Variants in GNA12 observed in about 807,000 individuals in gnomAD.
GNA12 encodes the protein guanine nucleotide-binding protein subunit alpha-12.
A neutral mutation model predicts 26.0 loss-of-function variants in GNA12; 9 were observed. That is an observed-to-expected ratio of 0.35 (90% CI 0.21 to 0.60). GNA12 has a LOEUF of 0.60. GNA12 is among the 20% of genes least tolerant of loss of function. GNA12 has a pLI of 0.78. For synonymous variants in GNA12, 264 were observed against 219.6 expected (o/e 1.20, Z -1.79); for missense variants, 405 against 525.8 (o/e 0.77, Z 2.25).
intron 1 of GNA12, chr7:2,814,226 G>T: frequency 2.6e-6 from 2 of 774,654 alleles, no homozygotes; most frequent in Non-Finnish European, 4.7e-6. Flanking sequence ...ATACATCTAT[G>T]TATCCTGTTG....
At chr7:2,795,908 C>T (rs1218697816) in intron 1 of GNA12, among the ~76,000 whole-genome samples, 2 of 151,468 alleles carry the variant, frequency 1.3e-5, no homozygotes, top group Non-Finnish European at 2.9e-5. Context: ...GCAACCTCCG[C>T]CTCCCAGGTT....
chr7:2,748,630 C>T (rs1790880417), intron 2 of GNA12, among the ~76,000 whole-genome samples: 1 of 152,134 alleles, frequency 6.6e-6, no homozygotes, highest in African/African-American at 2.4e-5. Context: ...ACACCAAAAG[C>T]AATGGCAACA....
chr7:2,794,910 GAAGGCCTACT>G lies in GNA12; in HGVS notation c.525+8_525+17del. ...AAACACACTATCAGGTGCCCAGCAA[GAAGGCCTACT>G]CACTCACCAGCTGAAACTCGCTTCT... On this transcript the variant is annotated splice_region_variant and intron_variant, in intron 2 of 3. Transcript: ENST00000275364. 6.4e-7 allele frequency: 1 copy of G among 1,570,978 alleles called. No homozygotes were observed. Among genetic ancestry groups the G allele is most frequent in the Non-Finnish European group, 8.8e-7 (1 of 1,140,954 alleles).
In GNA12 at chr7:2,731,745, G is replaced by T; in HGVS notation, c.582C>A (p.Tyr194Ter). Residue 194 changes from tyrosine (Y) to a stop codon, truncating the protein, a stop_gained, in exon 4 of 4, where the codon TAC (tyrosine) becomes TAA (stop). Transcript: ENST00000275364. LOFTEE classifies it high-confidence loss of function. The surrounding 1 kb of genome is among the most constrained non-coding windows in gnomAD (Gnocchi z 6.0). ...DNLDRIGQLN[Y>*]FPSKQDILLA... The stretch of plus-strand genomic sequence containing the variant: ...GCAGGATATCTTGCTTACTAGGAAA[G>T]TAATTCTGTAAAATACAGGATGAGG... 6.6e-7 allele frequency: 1 copy of T among 1,508,438 alleles called. No individual in the cohort carries two copies. The highest frequency in any genetic ancestry group is 8.9e-7 in the Non-Finnish European group (1 of 1,118,772). 93.4% of individuals were successfully genotyped at this position (1,508,438 alleles called of 1,614,324 possible). A position where few individuals can be genotyped will look rare whatever the true frequency, so the allele number is the denominator to read the frequency against.
intron 2 of GNA12, among the ~76,000 whole-genome samples, chr7:2,744,552 G>A (rs979451856): frequency 1.3e-5 from 2 of 152,044 alleles, no homozygotes; most frequent in Admixed American, 6.6e-5. Flanking sequence ...AGGTAGAAAA[G>A]ACCACAAAGA....
chr7:2,728,912 A>AG lies in GNA12; in HGVS notation c.*2268dup, dbSNP rs1789743360. ...GGCCAGGGCGGTGGGGTCAGCGCTG[A>AG]GCGGGTCAAGAGCCCGCGCCGGGGG... On this transcript the variant is annotated 3_prime_UTR_variant, in exon 4 of 4. Transcript: ENST00000275364. 1 of 152,412 alleles carries AG rather than the reference A, an allele frequency of 6.6e-6. No homozygotes were observed. The highest frequency in any genetic ancestry group is 1.5e-5 in the Non-Finnish European group (1 of 68,050). 9.4% of individuals were successfully genotyped at this position (152,412 alleles called of 1,614,324 possible).
Position 2,794,923 on chromosome 7 carries a change from C to T in GNA12, c.525+5G>A, listed in dbSNP as rs1336815402. The T allele has an allele frequency of 1.2e-6, 2 of 1,607,610 alleles. No homozygotes were observed. The highest frequency in any genetic ancestry group is 1.7e-6 in the Non-Finnish European group (2 of 1,174,096). ...GGTGCCCAGCAAGAAGGCCTACTCA[C>T]TCACCAGCTGAAACTCGCTTCTCCG... On this transcript the variant is annotated splice_donor_5th_base_variant and intron_variant, in intron 2 of 3. Transcript: ENST00000275364.
At chr7:2,802,563 T>C (rs983350940) in intron 1 of GNA12, among the ~76,000 whole-genome samples, 5 of 152,160 alleles carry the variant, frequency 3.3e-5, no homozygotes, top group South Asian at 2.1e-4. Context: ...AAAGCTACGA[T>C]AGACATAAAA....
intron 2 of GNA12, among the ~76,000 whole-genome samples, chr7:2,793,680 C>G (rs1319251153): frequency 6.6e-6 from 1 of 151,892 alleles, no homozygotes; most frequent in South Asian, 2.1e-4. Context: ...GCCAGGAGTT[C>G]GAGACCAGCC....
rs568608244 is a variant in GNA12 at position 2,841,724 on chromosome 7, T to C, written c.309+2129A>G. On this transcript the variant is annotated intron_variant, in intron 1 of 3. Transcript: ENST00000275364. Reference sequence around the variant, plus strand: ...GGCCTGGAAGTCTGGAGGCCAGGATTCCAGCACAGAGACCCCAGGAAGGAG... The same window carrying C: ...GGCCTGGAAGTCTGGAGGCCAGGATCCCAGCACAGAGACCCCAGGAAGGAG... Among the ~76,000 whole-genome samples, 205 of 152,336 alleles carry C rather than the reference T, an allele frequency of 1.3e-3. 1 individual carries two copies. The highest frequency in any genetic ancestry group is 4.8e-3 in the African/African-American group (200 of 41,568).
intron 1 of GNA12, among the ~76,000 whole-genome samples, chr7:2,836,305 C>A (rs968171423): frequency 1.3e-5 from 2 of 152,180 alleles, no homozygotes; most frequent in Non-Finnish European, 2.9e-5. Context: ...AAAGTAACAG[C>A]TCTACTCCTC....
intron 2 of GNA12, among the ~76,000 whole-genome samples, chr7:2,770,037 G>T (rs1217350633): frequency 6.6e-6 from 1 of 152,152 alleles, no homozygotes; most frequent in Non-Finnish European, 1.5e-5. Flanking sequence ...ATAGATCATA[G>T]TGACATGCAG....
At chr7:2,776,965 A>G (rs1792093307) in intron 2 of GNA12, among the ~76,000 whole-genome samples, 1 of 151,248 alleles carries the variant, frequency 6.6e-6, no homozygotes, top group African/African-American at 2.4e-5. Flanking sequence ...ATAAGAATAA[A>G]CCTTACACTG....
intron 2 of GNA12, among the ~76,000 whole-genome samples, chr7:2,787,006 C>T (rs1792378799): frequency 6.6e-6 from 1 of 152,136 alleles, no homozygotes; most frequent in South Asian, 2.1e-4. Context: ...TCTGCTCTGC[C>T]CTCCAGGGGC....
At chr7:2,841,653 A>T (rs969789475) in intron 1 of GNA12, among the ~76,000 whole-genome samples, 2 of 152,190 alleles carry the variant, frequency 1.3e-5, no homozygotes, top group Non-Finnish European at 1.5e-5. Context: ...AAGGAGCTCT[A>T]TTAAAATGAA....
intron 2 of GNA12, among the ~76,000 whole-genome samples, chr7:2,754,122 C>T (rs970647946): frequency 6.6e-6 from 1 of 152,186 alleles, no homozygotes; most frequent in African/African-American, 2.4e-5. Flanking sequence ...AGTATCCTCA[C>T]CAGCATTTGT....
intron 2 of GNA12, among the ~76,000 whole-genome samples, chr7:2,755,636 C>G (rs116293200): frequency 0.012 from 1,827 of 152,260 alleles, 49 homozygotes; most frequent in African/African-American, 0.042. Context: ...TAGTCTATGA[C>G]TTTTCTGGTA....
chr7:2,731,643 C>G lies in GNA12; in HGVS notation c.684G>C (p.Val228=). ...TCTGGCGCTGGGACCGCTGGCCGCC[C>G]ACATCCACCATCTTAAAGGGGATCT... is the stretch of plus-strand genomic sequence containing the variant. ...IKKIPFKMVD[V]GGQRSQRQKW... Residue 228 remains valine, a synonymous_variant, in exon 4 of 4, where the codon GTG becomes GTC. Transcript: ENST00000275364. The surrounding 1 kb of genome is among the most constrained non-coding windows in gnomAD (Gnocchi z 6.0). The G allele has an allele frequency of 6.2e-7, 1 of 1,613,714 alleles. No individual in the cohort carries two copies. Among genetic ancestry groups the G allele is most frequent in the Non-Finnish European group, 8.5e-7 (1 of 1,179,878 alleles).
At chr7:2,843,753 G>A (rs915989574) in intron 1 of GNA12, 100 bp downstream of exon 1, 207 of 538,138 alleles carry the variant, frequency 3.8e-4, no homozygotes, top group Admixed American at 8.8e-4. Context: ...CCTCGCCCCA[G>A]GGGTCCCCGC....
Sources: allele counts gnomAD v4.1 joint callset (sites outside exome capture counted in the v4.1 genomes callset), GRCh38; gene constraint gnomAD v4.1.1; non-coding constraint Gnocchi (gnomAD v3.1); transcripts MANE v1.5; gene names NCBI Gene and HGNC (gene_info 2026-07-23, HGNC 2026-07-21).